The following SSBP3 variants were observed in gnomAD, a reference collection of about 807,000 sequenced individuals.
The protein encoded by SSBP3 is single-stranded DNA-binding protein 3.
SSBP3 carries 5 observed loss-of-function variants against 69.6 expected under a neutral mutation model. The observed-to-expected ratio is 0.07, with a 90% CI of 0.04 to 0.15. The LOEUF (loss-of-function observed/expected upper bound fraction) is 0.15. Among genes scored for constraint, SSBP3 ranks in the 10% least tolerant of loss-of-function variants. SSBP3 has a pLI of 1.00. For missense variants in SSBP3, 312 were observed against 534.0 expected (o/e 0.58, Z 4.10); for synonymous variants, 196 against 193.4 (o/e 1.01, Z -0.11).
At chr1:54,327,426 C>CCT (rs1410216946) in intron 4 of SSBP3, among the ~76,000 whole-genome samples, 2 of 152,152 alleles carry the variant, frequency 1.3e-5, no homozygotes, top group Non-Finnish European at 2.9e-5. Context: ...TCCACTTCCC[C>CCT]CTCTGCAATC....
chr1:54,232,814 C>T (rs961366177), intron 14 of SSBP3, among the ~76,000 whole-genome samples: 5 of 152,240 alleles, frequency 3.3e-5, no homozygotes, highest in Non-Finnish European at 7.3e-5. Flanking sequence ...AGCCCCTAAC[C>T]GCGAGTGATC....
chr1:54,355,659 A>G (rs1430927193), intron 4 of SSBP3, among the ~76,000 whole-genome samples: 2 of 152,060 alleles, frequency 1.3e-5, no homozygotes, highest in East Asian at 3.9e-4. Flanking sequence ...CTCTCCCCCA[A>G]ATTCAGAGAG....
chr1:54,281,121 T>C (rs1386715865), intron 5 of SSBP3, among the ~76,000 whole-genome samples: 1 of 152,136 alleles, frequency 6.6e-6, no homozygotes, highest in Non-Finnish European at 1.5e-5. Flanking sequence ...AGCTCCACAG[T>C]GGCCTGGAAG....
intron 4 of SSBP3, among the ~76,000 whole-genome samples, chr1:54,322,485 T>C (rs1207663210): frequency 6.6e-6 from 1 of 151,948 alleles, no homozygotes; most frequent in African/African-American, 2.4e-5. Flanking sequence ...GGATCTAGGA[T>C]ATAGCTCATT....
At chr1:54,385,904 T>G (rs370213776) in intron 4 of SSBP3, among the ~76,000 whole-genome samples, 5 of 152,194 alleles carry the variant, frequency 3.3e-5, no homozygotes, top group African/African-American at 1.2e-4. Context: ...TCTCTGCACC[T>G]TGGTTCCCCA....
intron 4 of SSBP3, chr1:54,286,235 CAAG>C (rs1369576518): frequency 1.3e-5 from 2 of 152,142 alleles, no homozygotes; most frequent in African/African-American, 4.8e-5. Context: ...TTTTTGGACT[CAAG>C]AAAGCCAACT....
intron 1 of SSBP3, chr1:54,412,569 ATAAT>A: frequency 6.6e-6 from 1 of 152,290 alleles, no homozygotes. Flanking sequence ...GCGTTTAATG[ATAAT>A]AGAGCTTCAG....
intron 4 of SSBP3, among the ~76,000 whole-genome samples, chr1:54,311,104 C>T (rs1254754025): frequency 1.3e-5 from 2 of 152,116 alleles, no homozygotes; most frequent in East Asian, 1.9e-4. Flanking sequence ...TGACCAGAGC[C>T]GATTCTTTGA....
rs1240507529 is a variant in SSBP3, at chr1:54,272,693, GGA to G, written c.366+8743_366+8744del. Reference sequence around the variant, plus strand: ...AGGGAGCAGCCACGGTACAGTGCTGGGAGAACTGCCGACCTGCGGCAGAGCAG... The same window carrying G: ...AGGGAGCAGCCACGGTACAGTGCTGGGAACTGCCGACCTGCGGCAGAGCAG... On this transcript the variant is annotated intron_variant, in intron 5 of 17. Coordinates refer to ENST00000610401, the Ensembl canonical transcript of SSBP3. Among the ~76,000 whole-genome samples the G allele has an allele frequency of 3.9e-5, 6 of 152,332 alleles. No individual in the cohort carries two copies. In the South Asian group the frequency reaches 1.2e-3, roughly 32 times the overall value.
intron 17 of SSBP3, among the ~76,000 whole-genome samples, chr1:54,227,583 T>C (rs1489811990): frequency 2.0e-5 from 3 of 150,894 alleles, no homozygotes; most frequent in African/African-American, 7.4e-5. Context: ...GATTCTTTTC[T>C]GTTTTTCTTT....
chr1:54,340,630 C>T (rs1242395901), intron 4 of SSBP3, among the ~76,000 whole-genome samples: 3 of 152,226 alleles, frequency 2.0e-5, no homozygotes, highest in Non-Finnish European at 4.4e-5. Context: ...TCATCACCCT[C>T]GGTACCTTTC....
intron 4 of SSBP3, among the ~76,000 whole-genome samples, chr1:54,282,815 T>C (rs779666494): frequency 1.3e-5 from 2 of 152,180 alleles, no homozygotes; most frequent in Admixed American, 6.5e-5. Flanking sequence ...ACTGAGAAAG[T>C]GAAACTTGGT....
intron 14 of SSBP3, chr1:54,236,809 G>A (rs964366592): frequency 1.3e-5 from 2 of 152,168 alleles, no homozygotes; most frequent in Admixed American, 1.3e-4. Context: ...TGAGGAAACC[G>A]AAAGGTGACC....
chr1:54,380,191 C>T (rs1647508254), intron 4 of SSBP3, among the ~76,000 whole-genome samples: 1 of 152,226 alleles, frequency 6.6e-6, no homozygotes, highest in Non-Finnish European at 1.5e-5. Flanking sequence ...GGCAGACCCT[C>T]CCCGCAGAGC....
At chr1:54,311,089 C>T (rs1017812964) in intron 4 of SSBP3, among the ~76,000 whole-genome samples, 1 of 152,236 alleles carries the variant, frequency 6.6e-6, no homozygotes, top group East Asian at 1.9e-4. Flanking sequence ...ACTTCTTTAG[C>T]CTGCTGACCA....
intron 4 of SSBP3, among the ~76,000 whole-genome samples, chr1:54,283,587 T>C (rs1378375599): frequency 6.6e-6 from 1 of 152,208 alleles, no homozygotes; most frequent in Non-Finnish European, 1.5e-5. Flanking sequence ...TCTGTGAATC[T>C]AGCAACAAAG....
At position 54,404,657 on chromosome 1, in the gene SSBP3, A is replaced by T. The variant is rs200073817; in HGVS notation, c.130-20T>A. ...TCGAATCTGGAAAGGTAAGAGCAGA[A>T]GCAGCTTAGAGGAGCAGAGACGGGG... On this transcript the variant is annotated intron_variant, in intron 2 of 17. Transcript: ENST00000610401. 2,941 of 1,613,946 alleles carry T rather than the reference A, an allele frequency of 1.8e-3. 6 individuals carry two copies. The highest frequency in any genetic ancestry group is 2.0e-3 in the Non-Finnish European group (2,391 of 1,179,834).
chr1:54,274,925 TCCC>T (rs1388435894), intron 5 of SSBP3, among the ~76,000 whole-genome samples: 1 of 145,356 alleles, frequency 6.9e-6, no homozygotes, highest in African/African-American at 2.6e-5. Context: ...CCTGGCACAC[TCCC>T]CCACCTCAAT....
chr1:54,294,331 C>T (rs1463046654), intron 4 of SSBP3, among the ~76,000 whole-genome samples: 3 of 151,892 alleles, frequency 2.0e-5, no homozygotes, highest in Admixed American at 6.6e-5. Flanking sequence ...CTCCAAATAA[C>T]AACAAACAAA....
Sources: allele counts gnomAD v4.1 joint callset (sites outside exome capture counted in the v4.1 genomes callset), GRCh38; gene constraint gnomAD v4.1.1; transcripts MANE v1.5; gene names NCBI Gene and HGNC (gene_info 2026-07-23, HGNC 2026-07-21).